CDC14A: variants seen among roughly 807,000 people sequenced by gnomAD.
CDC14A encodes the protein dual specificity protein phosphatase CDC14A.
A neutral mutation model predicts 74.4 loss-of-function variants in CDC14A; 53 were observed. The ratio of observed to expected loss-of-function variants is 0.71; its 90% confidence interval spans 0.57 to 0.89. CDC14A has a LOEUF of 0.89. CDC14A is among the 40% of genes least tolerant of loss of function. The pLI, the probability that CDC14A is intolerant of heterozygous loss-of-function variation, is 0.00. For synonymous variants in CDC14A, 247 were observed against 258.4 expected (o/e 0.96, Z 0.43); for missense variants, 646 against 713.7 (o/e 0.91, Z 1.08).
At chr1:100,378,129 T>C (rs151090928) in intron 3 of CDC14A, among the ~76,000 whole-genome samples, 7 of 152,328 alleles carry the variant, frequency 4.6e-5, no homozygotes, top group African/African-American at 1.2e-4. Flanking sequence ...GGAATTTACC[T>C]GAGATGATAG....
chr1:100,351,774 C>G (rs1400293344), upstream of CDC14A: 3 of 1,550,548 alleles, frequency 1.9e-6, no homozygotes, highest in Non-Finnish European at 2.6e-6. Flanking sequence ...ACTTTTTGTC[C>G]CGTGAGAACA....
chr1:100,493,180 T>C (rs991937455), intron 11 of CDC14A, among the ~76,000 whole-genome samples: 11 of 152,198 alleles, frequency 7.2e-5, no homozygotes, highest in Non-Finnish European at 1.3e-4. Flanking sequence ...ATCCTCCTAG[T>C]TGGAGGAACA....
In CDC14A at chr1:100,468,001, A is replaced by G; in HGVS notation, c.884A>G (p.Lys295Arg). 1.2e-6 allele frequency: 2 copies of G among 1,611,090 alleles called. No individual in the cohort carries two copies. Among genetic ancestry groups the G allele is most frequent in the Non-Finnish European group, 1.7e-6 (2 of 1,178,856 alleles). ...TGTLIACYVM[K>R]HYRFTHAEII... The stretch of plus-strand genomic sequence containing the variant: ...ACATTGATAGCCTGTTATGTAATGA[A>G]ACACTACAGGTTTACACATGCTGAA... The change falls in exon 10 of 16, where the codon AAA becomes AGA. Residue 295 changes from lysine (K) to arginine (R), a missense_variant. Coordinates refer to ENST00000336454, the MANE Select transcript of CDC14A (RefSeq NM_003672.4).
intron 10 of CDC14A, among the ~76,000 whole-genome samples, chr1:100,480,470 T>G (rs1313322022): frequency 1.3e-5 from 2 of 152,212 alleles, no homozygotes; most frequent in Admixed American, 1.3e-4. Context: ...TACACAAGTA[T>G]CTATTTGAAT....
chr1:100,361,687 G>A lies in CDC14A; in HGVS notation c.140+7835G>A, dbSNP rs187664463. Reference sequence around the variant, plus strand: ...TGGGAATAGCAAGATTCTGTTAGAGGAGGTGTAATAATATTTGAATGGAGA... The same window carrying A: ...TGGGAATAGCAAGATTCTGTTAGAGAAGGTGTAATAATATTTGAATGGAGA... On this transcript the variant is annotated intron_variant, in intron 2 of 15. Coordinates refer to ENST00000336454, the MANE Select transcript of CDC14A (RefSeq NM_003672.4). Among the ~76,000 whole-genome samples the A allele has an allele frequency of 1.1e-3, 167 of 152,320 alleles. 1 individual carries two copies. The highest frequency in any genetic ancestry group is 3.7e-3 in the African/African-American group (153 of 41,578).
intron 4 of CDC14A, among the ~76,000 whole-genome samples, chr1:100,410,261 A>G (rs944353132): frequency 6.6e-6 from 1 of 152,186 alleles, no homozygotes; most frequent in Non-Finnish European, 1.5e-5. Context: ...TTCCCCAAGA[A>G]ACATATCTTT....
intron 4 of CDC14A, among the ~76,000 whole-genome samples, chr1:100,403,941 TA>T (rs1229478573): frequency 6.6e-6 from 1 of 152,212 alleles, no homozygotes; most frequent in African/African-American, 2.4e-5. Context: ...TCTTAAACCT[TA>T]GGTTTATAAG....
At chr1:100,378,534 T>G (rs920452638) in intron 3 of CDC14A, among the ~76,000 whole-genome samples, 2 of 152,206 alleles carry the variant, frequency 1.3e-5, no homozygotes, top group Non-Finnish European at 2.9e-5. Context: ...TGATTGGTTT[T>G]TAATGAACTT....
At chr1:100,440,508 G>T (rs1400636996) in intron 6 of CDC14A, among the ~76,000 whole-genome samples, 1 of 152,162 alleles carries the variant, frequency 6.6e-6, no homozygotes. Flanking sequence ...TAATGGAGAA[G>T]TTAAACTAGA....
intron 15 of CDC14A, among the ~76,000 whole-genome samples, chr1:100,500,922 C>G (rs1052108391): frequency 6.9e-6 from 1 of 145,400 alleles, no homozygotes; most frequent in Admixed American, 7.0e-5. Flanking sequence ...AAACTTTTAC[C>G]CTCTCTGTCC....
At chr1:100,416,128 G>T (rs1661504259) in intron 4 of CDC14A, among the ~76,000 whole-genome samples, 1 of 152,162 alleles carries the variant, frequency 6.6e-6, no homozygotes, top group Admixed American at 6.5e-5. Context: ...TCAGCTTTTT[G>T]CAGAGTTTTT....
chr1:100,380,459 C>T (rs1655948240), intron 3 of CDC14A, among the ~76,000 whole-genome samples: 1 of 152,256 alleles, frequency 6.6e-6, no homozygotes, highest in Admixed American at 6.5e-5. Context: ...TGAGGCTCCT[C>T]TGCCTCTTTC....
rs1648334300 is a variant in CDC14A, at chr1:100,499,018, C to T, written c.1511C>T (p.Ser504Phe). The T allele has an allele frequency of 2.5e-6, 4 of 1,614,060 alleles. No individual in the cohort carries two copies. The Admixed American group carries it at 6.7e-5, about 27-fold the overall frequency. Residue 504 changes from serine to phenylalanine, a missense_variant, in exon 15 of 16, where the codon TCT (serine) becomes TTT (phenylalanine). Transcript: ENST00000336454. ...GAGAACAAAAAGACCTCCTCATCCT[C>T]TAAGGCAGGCTTCACAGCCAGCCCG... is the stretch of plus-strand genomic sequence containing the variant. ...DPENKKTSSS[S>F]KAGFTASPFT...
At chr1:100,480,131 T>C (rs974681311) in intron 10 of CDC14A, among the ~76,000 whole-genome samples, 5 of 152,170 alleles carry the variant, frequency 3.3e-5, no homozygotes, top group Admixed American at 6.5e-5. Context: ...TTTGTACCCA[T>C]TGAACAATAA....
intron 5 of CDC14A, among the ~76,000 whole-genome samples, chr1:100,431,777 C>A (rs1663718588): frequency 6.6e-6 from 1 of 151,174 alleles, no homozygotes; most frequent in Non-Finnish European, 1.5e-5. Flanking sequence ...TTGAGCCCAG[C>A]AGTTTGAGGC....
intron 2 of CDC14A, among the ~76,000 whole-genome samples, chr1:100,365,665 A>G (rs755609947): frequency 6.6e-6 from 1 of 151,836 alleles, no homozygotes; most frequent in Middle Eastern, 3.2e-3. Flanking sequence ...ATGTGCAGCA[A>G]CTCTTCCCCA....
chr1:100,345,475 C>T (rs1159002139), intron 1 of CDC14A, among the ~76,000 whole-genome samples: 8 of 152,008 alleles, frequency 5.3e-5, no homozygotes, highest in South Asian at 2.1e-4. Context: ...TATTTAATAT[C>T]AGAAGAAACA....
Position 100,403,870 on chromosome 1 carries a change from C to T in CDC14A, c.309+13046C>T, listed in dbSNP as rs1385576884. On this transcript the variant is annotated intron_variant, in intron 4 of 15. Coordinates refer to ENST00000336454, the MANE Select transcript of CDC14A (RefSeq NM_003672.4). The stretch of plus-strand genomic sequence containing the variant: ...TCTGTCATTTTAGTATCTCATTGGG[C>T]TTAGTTTCTAAGTGTGGGCTGAAAA... 3.9e-5 allele frequency among the ~76,000 whole-genome samples: 6 copies of T among 152,236 alleles called. No homozygotes were observed. The East Asian group carries it at 1.2e-3, about 29-fold the overall frequency.
At chr1:100,497,330 C>A (rs1369946076) in intron 13 of CDC14A, among the ~76,000 whole-genome samples, 6 of 152,116 alleles carry the variant, frequency 3.9e-5, no homozygotes, top group Admixed American at 3.9e-4. Flanking sequence ...GTGGACGCTA[C>A]CCATTCAGGG....
Sources: gnomAD v4.1 joint callset for allele counts (sites outside exome capture counted in the v4.1 genomes callset) on GRCh38, gnomAD v4.1.1 for gene constraint, MANE v1.5 for transcripts, NCBI Gene and HGNC (gene_info 2026-07-23, HGNC 2026-07-21) for gene names.